The following KATNIP variants were observed in gnomAD, a reference collection of about 807,000 sequenced individuals.
KATNIP encodes the protein katanin-interacting protein.
KATNIP carries 126 observed loss-of-function variants against 174.0 expected under a neutral mutation model. The ratio of observed to expected loss-of-function variants is 0.72; its 90% confidence interval spans 0.63 to 0.84. The LOEUF (loss-of-function observed/expected upper bound fraction) is 0.84, where lower values mean the gene tolerates loss of function less well. KATNIP is among the 40% of genes least tolerant of loss of function. The pLI is 0.00. For missense variants in KATNIP, 1,958 were observed against 2,109.7 expected, an observed-to-expected ratio of 0.93 and a Z score of 1.41; for synonymous variants, 810 against 835.7, an observed-to-expected ratio of 0.97 and a Z score of 0.53.
intron 1 of KATNIP, among the ~76,000 whole-genome samples, chr16:27,571,344 T>C (rs2090284403): frequency 6.6e-6 from 1 of 152,204 alleles, no homozygotes. Context: ...CATTAATGTT[T>C]TGTTTTTATT....
intron 13 of KATNIP, among the ~76,000 whole-genome samples, chr16:27,709,489 G>A (rs2079477517): frequency 6.6e-6 from 1 of 152,134 alleles, no homozygotes; most frequent in East Asian, 1.9e-4. Flanking sequence ...AGGCGTGGTG[G>A]CACATGCCTG....
intron 18 of KATNIP, among the ~76,000 whole-genome samples, chr16:27,756,384 G>C (rs1215312776): frequency 6.6e-6 from 1 of 152,232 alleles, no homozygotes; most frequent in Non-Finnish European, 1.5e-5. Context: ...ACTGTGCTGG[G>C]CTTTCTCTGC....
chr16:27,565,292 C>G (rs111539656), intron 1 of KATNIP, among the ~76,000 whole-genome samples: 2 of 150,838 alleles, frequency 1.3e-5, no homozygotes, highest in African/African-American at 2.4e-5. Flanking sequence ...ATAGTGAAAC[C>G]CCGTCTCTGT....
chr16:27,662,075 C>T (rs1355759159), intron 6 of KATNIP, among the ~76,000 whole-genome samples: 28 of 58,406 alleles, frequency 4.8e-4, no homozygotes, highest in Non-Finnish European at 6.9e-4. Context: ...TATATATACA[C>T]ACATATATAT....
At chr16:27,654,659 C>T in intron 6 of KATNIP, 1 of 1,352,006 alleles carries the variant, frequency 7.4e-7, no homozygotes, top group Non-Finnish European at 9.8e-7. Flanking sequence ...CTTCTCCCTT[C>T]TGAATGCATG....
chr16:27,730,905 G>A (rs1283209083), intron 14 of KATNIP, among the ~76,000 whole-genome samples: 1 of 152,204 alleles, frequency 6.6e-6, no homozygotes, highest in African/African-American at 2.4e-5. Flanking sequence ...GGCTTTTGAT[G>A]ACCTGGCAAA....
chr16:27,725,836 G>A (rs1262916104), intron 14 of KATNIP, among the ~76,000 whole-genome samples: 1 of 152,180 alleles, frequency 6.6e-6, no homozygotes, highest in African/African-American at 2.4e-5. Flanking sequence ...ACCAGGAAGT[G>A]GGACAGCAGT....
In KATNIP at chr16:27,751,492, TCA is replaced by T. The variant is rs67985607; in HGVS notation, c.3347-224_3347-223del. On this transcript the variant is annotated intron_variant, in intron 16 of 27. Transcript: ENST00000261588. ...GAAATGTCACTTGCCTGATGACATA[TCA>T]CAGTGATTCTCATGAAATTAGATCC... is the stretch of plus-strand genomic sequence containing the variant. Among the ~76,000 whole-genome samples the T allele has an allele frequency of 7.8e-3, 1,189 of 152,296 alleles. 15 individuals carry two copies. The highest frequency in any genetic ancestry group is 0.027 in the African/African-American group (1,139 of 41,556).
chr16:27,692,495 C>A (rs2078769929), intron 8 of KATNIP, among the ~76,000 whole-genome samples: 1 of 152,174 alleles, frequency 6.6e-6, no homozygotes. Flanking sequence ...ACTGAGCCCG[C>A]AACCTCTCCA....
At chr16:27,681,376 A>G (rs1468769658) in intron 7 of KATNIP, 23 bp from the exon 8 acceptor site, 1 of 1,614,026 alleles carries the variant, frequency 6.2e-7, no homozygotes, top group Non-Finnish European at 8.5e-7. Context: ...AGCGTCTTAC[A>G]TGAAACAATT....
At chr16:27,734,560 G>A (rs535145645) in intron 14 of KATNIP, among the ~76,000 whole-genome samples, 16 of 152,198 alleles carry the variant, frequency 1.1e-4, no homozygotes, top group African/African-American at 1.9e-4. Context: ...ATAGCCGGGC[G>A]TAGTGGCGTG....
At chr16:27,612,271 TAAAG>T (rs1286173010) in intron 2 of KATNIP, among the ~76,000 whole-genome samples, 1 of 152,076 alleles carries the variant, frequency 6.6e-6, no homozygotes, top group African/African-American at 2.4e-5. Context: ...ATCTTATAGG[TAAAG>T]AAACTAGGTG....
At chr16:27,582,549 C>G (rs575134331) in intron 2 of KATNIP, among the ~76,000 whole-genome samples, 2 of 152,258 alleles carry the variant, frequency 1.3e-5, no homozygotes, top group African/African-American at 4.8e-5. Flanking sequence ...GTAACATTGA[C>G]AACTTCTGAT....
intron 15 of KATNIP, among the ~76,000 whole-genome samples, chr16:27,748,331 A>G (rs1306575462): frequency 2.0e-5 from 3 of 152,232 alleles, no homozygotes; most frequent in Non-Finnish European, 4.4e-5. Flanking sequence ...CTGTAATCCC[A>G]GCACTGGGAT....
rs1039465075 is a variant in KATNIP, at chr16:27,749,757, A to T, written c.2797A>T (p.Ser933Cys). 2 of 1,611,034 alleles carry T rather than the reference A, an allele frequency of 1.2e-6. No individual in the cohort carries two copies. Among genetic ancestry groups the T allele is most frequent in the African/African-American group, 1.3e-5 (1 of 75,004 alleles). Residue 933 changes from serine to cysteine, a missense_variant, in exon 16 of 28, where the codon AGC becomes TGC. Ser to Cys is a moderately radical substitution (Grantham distance 112). This residue lies in a region of KATNIP where 1,557 missense variants were observed against 1,617.8 expected (regional missense o/e 0.96). Transcript: ENST00000261588. The stretch of plus-strand genomic sequence containing the variant: ...GGATGAGCTCCTGCAGCAAAAGAGC[A>T]GCCGGCACAGCGACTTGCCCCCCTC... ...ILDELLQQKS[S>C]RHSDLPPSKK...
chr16:27,623,323 A>G (rs866768482), intron 3 of KATNIP, among the ~76,000 whole-genome samples: 2 of 152,338 alleles, frequency 1.3e-5, no homozygotes, highest in Middle Eastern at 6.8e-3. Flanking sequence ...AAACAGGCCA[A>G]CAGAACCTCA....
intron 18 of KATNIP, among the ~76,000 whole-genome samples, chr16:27,761,135 G>A (rs780964574): frequency 1.3e-5 from 2 of 152,168 alleles, no homozygotes; most frequent in East Asian, 1.9e-4. Context: ...TTCAGTGTCG[G>A]GTGGGACAGC....
intron 6 of KATNIP, 117 bp from the exon 7 acceptor site, chr16:27,677,612 A>C: frequency 1.9e-6 from 2 of 1,078,322 alleles, no homozygotes; most frequent in Non-Finnish European, 2.6e-6. Flanking sequence ...GGTTGAGATA[A>C]TATTGTTAAA....
At chr16:27,591,746 C>T (rs1233299107) in intron 2 of KATNIP, among the ~76,000 whole-genome samples, 1 of 152,148 alleles carries the variant, frequency 6.6e-6, no homozygotes, top group East Asian at 1.9e-4. Flanking sequence ...TTCTCACGCA[C>T]TCATTTTGTG....
Sources: allele counts gnomAD v4.1 joint callset (sites outside exome capture counted in the v4.1 genomes callset), GRCh38; gene constraint gnomAD v4.1.1; regional missense constraint gnomAD v4.1.1; transcripts MANE v1.5; gene names NCBI Gene and HGNC (gene_info 2026-07-23, HGNC 2026-07-21).